The following DMC1 variants were observed in gnomAD, a reference collection of about 807,000 sequenced individuals.
DMC1 encodes the protein DNA meiotic recombinase 1, also known as meiotic recombination protein DMC1 homolog.
Under a neutral mutation model 50.1 loss-of-function variants are expected in DMC1, and 27 were observed. The observed-to-expected ratio is 0.54, with a 90% CI of 0.40 to 0.74. DMC1 has a LOEUF of 0.74. Among genes scored for constraint, DMC1 ranks in the 30% least tolerant of loss-of-function variants. DMC1 has a pLI of 0.00. For synonymous variants in DMC1, 148 were observed against 136.1 expected, an observed-to-expected ratio of 1.09 and a Z score of -0.61; for missense variants, 295 against 420.2, an observed-to-expected ratio of 0.70 and a Z score of 2.60.
intron 5 of DMC1, among the ~76,000 whole-genome samples, chr22:38,555,905 C>T (rs1358007113): frequency 6.6e-6 from 1 of 151,446 alleles, no homozygotes; most frequent in Non-Finnish European, 1.5e-5. Flanking sequence ...GATCTTGGCT[C>T]ACTGCAGCCT....
At chr22:38,561,211 G>A (rs1350893257) in intron 5 of DMC1, among the ~76,000 whole-genome samples, 3 of 150,216 alleles carry the variant, frequency 2.0e-5, no homozygotes, top group Admixed American at 6.7e-5. Flanking sequence ...CAAGGTCTCA[G>A]TTTGCCGTTA....
intron 3 of DMC1, among the ~76,000 whole-genome samples, chr22:38,567,286 G>A (rs1205805409): frequency 1.3e-5 from 2 of 152,090 alleles, no homozygotes; most frequent in African/African-American, 2.4e-5. Context: ...ATCCACCCAG[G>A]TCATTATTCA....
intron 8 of DMC1, among the ~76,000 whole-genome samples, chr22:38,546,817 A>T (rs1334288975): frequency 1.3e-5 from 2 of 152,172 alleles, no homozygotes; most frequent in Admixed American, 1.3e-4. Context: ...AGAAGATAGA[A>T]ATATACCATG....
chr22:38,553,326 A>G (rs1021792091), intron 6 of DMC1, among the ~76,000 whole-genome samples: 35 of 148,286 alleles, frequency 2.4e-4, no homozygotes, highest in Admixed American at 4.7e-4. Flanking sequence ...GTGTAACCCC[A>G]TCTCTACTAA....
downstream of DMC1, among the ~76,000 whole-genome samples, chr22:38,517,622 C>T (rs999436646): frequency 6.6e-6 from 1 of 152,052 alleles, no homozygotes; most frequent in Admixed American, 6.6e-5. Flanking sequence ...AAAGTTAAAA[C>T]AGCATAATAC....
At chr22:38,511,536 G>A in the DMC1 span, among the ~76,000 whole-genome samples, 2 of 152,180 alleles carry the variant, frequency 1.3e-5, no homozygotes, top group South Asian at 2.1e-4. Flanking sequence ...GCTGCAGTGA[G>A]CTATGCTTGC....
chr22:38,551,280 A>G (rs368413511), intron 7 of DMC1, among the ~76,000 whole-genome samples: 1 of 148,808 alleles, frequency 6.7e-6, no homozygotes, highest in South Asian at 2.1e-4. Flanking sequence ...AATTTATGCT[A>G]TATAACTAAT....
intron 12 of DMC1, among the ~76,000 whole-genome samples, chr22:38,525,873 G>A (rs1372979061): frequency 6.6e-6 from 1 of 152,080 alleles, no homozygotes; most frequent in African/African-American, 2.4e-5. Flanking sequence ...CCAGGAAGTT[G>A]AGGCTGCGGT....
chr22:38,547,603 C>T (rs1394298215), intron 8 of DMC1, among the ~76,000 whole-genome samples: 1 of 151,944 alleles, frequency 6.6e-6, no homozygotes, highest in Non-Finnish European at 1.5e-5. Flanking sequence ...TGCAATGGCA[C>T]GATCTCGGCT....
chr22:38,524,145 G>T (rs773899135), intron 12 of DMC1, among the ~76,000 whole-genome samples: 3 of 152,220 alleles, frequency 2.0e-5, no homozygotes, highest in Non-Finnish European at 4.4e-5. Context: ...GCCGGGCACA[G>T]TGGCTCATGC....
intron 12 of DMC1, among the ~76,000 whole-genome samples, chr22:38,523,880 A>G (rs1420592711): frequency 6.6e-6 from 1 of 152,222 alleles, no homozygotes; most frequent in African/African-American, 2.4e-5. Context: ...AAAAAATAAA[A>G]TTGAGACCAG....
Position 38,539,373 on chromosome 22 carries a change from A to G in DMC1, c.534T>C (p.Asn178=), listed in dbSNP as rs778704211. The G allele has an allele frequency of 6.2e-7, 1 of 1,614,090 alleles. No homozygotes were observed. Among genetic ancestry groups the G allele is most frequent in the Non-Finnish European group, 8.5e-7 (1 of 1,179,966 alleles). The part of the protein sequence containing the change: ...DRLRDIADRF[N]VDHDAVLDNV... ...TGTCCAGTACTGCATCATGGTCTAC[A>G]TTAAAGCGATCAGCAATGTCCCTAA... The change falls in exon 9 of 14, where the codon AAT becomes AAC. Residue 178 remains asparagine, a synonymous_variant. Transcript: ENST00000216024.
intron 4 of DMC1, among the ~76,000 whole-genome samples, chr22:38,566,370 T>C (rs915335981): frequency 4.6e-5 from 7 of 152,046 alleles, no homozygotes; most frequent in African/African-American, 1.7e-4. Flanking sequence ...AATAATTACC[T>C]TCATTAGTGT....
At chr22:38,521,783 G>T in intron 12 of DMC1, 59 bp from the exon 13 acceptor site, 1 of 1,145,382 alleles carries the variant, frequency 8.7e-7, no homozygotes, top group South Asian at 1.2e-5. Flanking sequence ...GGCAATATCT[G>T]CAATTACAAG....
intron 12 of DMC1, among the ~76,000 whole-genome samples, chr22:38,525,978 G>GA (rs942000336): frequency 4.1e-5 from 6 of 147,624 alleles, no homozygotes; most frequent in East Asian, 2.0e-4. Flanking sequence ...TAAAATAAAA[G>GA]AAAAAAAAAG....
At chr22:38,565,418 C>T (rs909777261) in intron 4 of DMC1, among the ~76,000 whole-genome samples, 5 of 152,172 alleles carry the variant, frequency 3.3e-5, no homozygotes, top group Non-Finnish European at 5.9e-5. Context: ...AAGTTACTGC[C>T]CCTTTCCATT....
chr22:38,546,921 T>G (rs4821792), intron 8 of DMC1, among the ~76,000 whole-genome samples: 146,254 of 152,282 alleles, frequency 0.96, 70,291 homozygotes, highest in East Asian at 1. Flanking sequence ...TTACCACCTG[T>G]ATTACATTTC....
chr22:38,535,675 T>G (rs2090203893), intron 12 of DMC1, among the ~76,000 whole-genome samples: 1 of 151,932 alleles, frequency 6.6e-6, no homozygotes, highest in African/African-American at 2.4e-5. Flanking sequence ...TGGCACGATC[T>G]TGGCTCACTT....
intron 12 of DMC1, among the ~76,000 whole-genome samples, chr22:38,536,397 C>A (rs1416482512): frequency 6.6e-6 from 1 of 152,000 alleles, no homozygotes; most frequent in Non-Finnish European, 1.5e-5. Context: ...TGGCAACAAA[C>A]CTTTGTTTGA....
Sources: allele counts gnomAD v4.1 joint callset (sites outside exome capture counted in the v4.1 genomes callset), GRCh38; gene constraint gnomAD v4.1.1; transcripts MANE v1.5; gene names NCBI Gene and HGNC (gene_info 2026-07-23, HGNC 2026-07-21).